The following ACSS1 variants were observed in gnomAD, a reference collection of about 807,000 sequenced individuals.
The protein encoded by ACSS1 is acyl-CoA synthetase short chain family member 1.
A neutral mutation model predicts 75.3 loss-of-function variants in ACSS1; 42 were observed. That is an observed-to-expected ratio of 0.56 (90% CI 0.44 to 0.72). The LOEUF (loss-of-function observed/expected upper bound fraction) is 0.72. Among genes scored for constraint, ACSS1 ranks in the 30% least tolerant of loss-of-function variants. The probability of loss-of-function intolerance (pLI) is 0.00; values close to 1 mark genes in which losing one functional copy is unlikely to be tolerated. For synonymous variants in ACSS1, 380 were observed against 376.8 expected (o/e 1.01, Z -0.10); for missense variants, 782 against 935.7 (o/e 0.84, Z 2.14).
At chr20:25,040,713 A>T (rs2088986730) in intron 2 of ACSS1, among the ~76,000 whole-genome samples, 1 of 152,164 alleles carries the variant, frequency 6.6e-6, no homozygotes, top group African/African-American at 2.4e-5. Flanking sequence ...TGCTCCACGG[A>T]GCCCGTTTGA....
In ACSS1 at chr20:25,023,367, C is replaced by G. The variant is rs2088658910; in HGVS notation, c.807+99G>C. The G allele has an allele frequency of 7.5e-6, 11 of 1,461,718 alleles. No individual in the cohort carries two copies. In the South Asian group the frequency reaches 1.4e-4, roughly 18 times the overall value. 90.5% of individuals were successfully genotyped at this position (1,461,718 alleles called of 1,614,324 possible). The stretch of plus-strand genomic sequence containing the variant: ...AATACCACAGAGGAACCCTGGGCAC[C>G]TCTAGGGAACCCAAATTGAGAACCA... On this transcript the variant is annotated intron_variant, in intron 4 of 13. Transcript: ENST00000323482.
chr20:25,014,214 A>ACCCACATCTGGTT, intron 8 of ACSS1, 141 bp from the exon 9 acceptor site: 2 of 702,194 alleles, frequency 2.8e-6, no homozygotes, highest in Non-Finnish European at 4.9e-6. Context: ...GGCAAACCAG[A>ACCCACATCTGGTT]TGTGGGTCTG....
chr20:25,014,350 G>C (rs937018086), intron 8 of ACSS1, among the ~76,000 whole-genome samples: 14 of 152,210 alleles, frequency 9.2e-5, no homozygotes, highest in African/African-American at 3.4e-4. Flanking sequence ...GGAAAGGGCA[G>C]AGCCCACCCA....
intron 1 of ACSS1, among the ~76,000 whole-genome samples, chr20:25,050,168 C>T (rs1291566929): frequency 6.6e-6 from 1 of 152,138 alleles, no homozygotes; most frequent in Non-Finnish European, 1.5e-5. Context: ...CCACCCTGAC[C>T]AGGGTGTGCA....
intron 6 of ACSS1, 126 bp from the exon 7 acceptor site, chr20:25,020,273 TCCCCCCAA>T: frequency 7.6e-7 from 1 of 1,318,074 alleles, no homozygotes; most frequent in Non-Finnish European, 1.0e-6. Flanking sequence ...ATGAAAGGGA[TCCCCCCAA>T]CCCCCCACCC....
At chr20:25,047,777 C>T (rs1002236518) in intron 2 of ACSS1, among the ~76,000 whole-genome samples, 20 of 151,812 alleles carry the variant, frequency 1.3e-4, no homozygotes, top group Admixed American at 5.2e-4. Context: ...ATGCTTGGCA[C>T]ATAGAATCTG....
chr20:25,017,776 C>T (rs536276430), intron 7 of ACSS1, among the ~76,000 whole-genome samples: 7 of 152,312 alleles, frequency 4.6e-5, no homozygotes, highest in Non-Finnish European at 7.4e-5. Flanking sequence ...GCACTTAGGG[C>T]GGTACCCCTT....
intron 7 of ACSS1, among the ~76,000 whole-genome samples, chr20:25,016,261 G>A (rs116346995): frequency 0.015 from 2,264 of 152,230 alleles, 64 homozygotes; most frequent in African/African-American, 0.051. Flanking sequence ...GTCATGGTTC[G>A]GGTAACTCTC....
chr20:25,047,851 T>G (rs1225819013), intron 2 of ACSS1, among the ~76,000 whole-genome samples: 1 of 152,202 alleles, frequency 6.6e-6, no homozygotes, highest in Non-Finnish European at 1.5e-5. Context: ...AAGATGATTT[T>G]ATTTATTGTC....
chr20:25,031,797 T>C (rs1468069732), intron 2 of ACSS1, among the ~76,000 whole-genome samples: 1 of 152,196 alleles, frequency 6.6e-6, no homozygotes, highest in African/African-American at 2.4e-5. Flanking sequence ...TAGATCATCA[T>C]GGTTCCAAAA....
At chr20:25,024,762 C>A (rs2088686659) in intron 3 of ACSS1, among the ~76,000 whole-genome samples, 1 of 152,216 alleles carries the variant, frequency 6.6e-6, no homozygotes, top group Non-Finnish European at 1.5e-5. Flanking sequence ...CACTTTTGCA[C>A]AACAGGCCCA....
chr20:25,047,679 C>A (rs1262770979), intron 2 of ACSS1, among the ~76,000 whole-genome samples: 1 of 152,110 alleles, frequency 6.6e-6, no homozygotes, highest in Non-Finnish European at 1.5e-5. Context: ...CATGGAGAAC[C>A]AAGGTGCTGC....
At position 25,007,260 on chromosome 20, in the gene ACSS1, C is replaced by A. The variant is rs1419014815; in HGVS notation, c.*502G>T. 8.8e-7 allele frequency: 1 copy of A among 1,135,326 alleles called. No individual in the cohort carries two copies. The highest frequency in any genetic ancestry group is 5.3e-5 in the East Asian group (1 of 18,764). 70.3% of individuals were successfully genotyped at this position (1,135,326 alleles called of 1,614,324 possible). On this transcript the variant is annotated 3_prime_UTR_variant, in exon 14 of 14. Coordinates refer to ENST00000323482, the MANE Select transcript of ACSS1 (RefSeq NM_032501.4). ...GCAAAAAAGGAGATTTTCATAACTA[C>A]ATGTTAAAAAGAACATGTTCAAGTA... is the stretch of plus-strand genomic sequence containing the variant.
intron 2 of ACSS1, among the ~76,000 whole-genome samples, chr20:25,038,104 G>A (rs1338039713): frequency 6.6e-6 from 1 of 152,230 alleles, no homozygotes; most frequent in African/African-American, 2.4e-5. Context: ...AGGGCCCCCA[G>A]GAGACATGAG....
intron 2 of ACSS1, among the ~76,000 whole-genome samples, chr20:25,035,797 C>A (rs1484079721): frequency 3.3e-5 from 5 of 152,318 alleles, no homozygotes; most frequent in African/African-American, 1.2e-4. Flanking sequence ...GTCAGCAAAC[C>A]TAGGTCTTCA....
chr20:25,026,293 G>A (rs186324580), intron 3 of ACSS1, among the ~76,000 whole-genome samples: 199 of 152,250 alleles, frequency 1.3e-3, no homozygotes, highest in African/African-American at 4.6e-3. Context: ...CAGGATCCAG[G>A]TCTCCTCCCC....
intron 2 of ACSS1, among the ~76,000 whole-genome samples, chr20:25,041,844 G>A (rs995904169): frequency 2.6e-5 from 4 of 152,230 alleles, no homozygotes; most frequent in Non-Finnish European, 2.9e-5. Flanking sequence ...AGCAGATTTT[G>A]AACAGCTGTG....
intron 8 of ACSS1, among the ~76,000 whole-genome samples, chr20:25,014,313 C>T (rs1184683679): frequency 5.9e-5 from 9 of 152,234 alleles, no homozygotes; most frequent in Admixed American, 5.2e-4. Flanking sequence ...CAGGCCCCCT[C>T]GCCATGTCAG....
chr20:25,056,726 T>C (rs2089247429), intron 1 of ACSS1, among the ~76,000 whole-genome samples: 1 of 152,122 alleles, frequency 6.6e-6, no homozygotes, highest in Admixed American at 6.5e-5. Context: ...CTGGTGACCC[T>C]GCCATAAAGA....
Sources: gnomAD v4.1 joint callset for allele counts (sites outside exome capture counted in the v4.1 genomes callset) on GRCh38, gnomAD v4.1.1 for gene constraint, MANE v1.5 for transcripts, NCBI Gene and HGNC (gene_info 2026-07-23, HGNC 2026-07-21) for gene names.